MAP7: variants seen among roughly 807,000 people sequenced by gnomAD.
MAP7 encodes the protein microtubule associated protein 7.
Under a neutral mutation model 94.8 loss-of-function variants are expected in MAP7, and 52 were observed. The observed-to-expected ratio is 0.55, with a 90% confidence interval of 0.44 to 0.69. The LOEUF (loss-of-function observed/expected upper bound fraction) is 0.69. Ranked by LOEUF, MAP7 falls within the 30% of genes least tolerant of loss-of-function variation. MAP7 has a pLI of 0.00. For missense variants in MAP7, 940 were observed against 964.6 expected, an observed-to-expected ratio of 0.97 and a Z score of 0.34; for synonymous variants, 350 against 357.0, an observed-to-expected ratio of 0.98 and a Z score of 0.22.
At chr6:136,364,553 C>A in intron 10 of MAP7, 1 of 234,350 alleles carries the variant, frequency 4.3e-6, no homozygotes, top group South Asian at 5.2e-5. Flanking sequence ...CTATGTTTCT[C>A]CTTGAGTGTG....
Position 136,392,658 on chromosome 6 carries a change from A to T in MAP7, c.245-3141T>A, listed in dbSNP as rs572646424. Among the ~76,000 whole-genome samples the T allele has an allele frequency of 5.3e-5, 8 of 152,264 alleles. No homozygotes were observed. The South Asian group carries it at 1.7e-3, about 32-fold the overall frequency. ...GAGCATGTCCATGTAGAATAGCTGA[A>T]TCAAAGGGAACATACATTTAAAATT... On this transcript the variant is annotated intron_variant, in intron 3 of 17. Coordinates refer to ENST00000354570, the MANE Select transcript of MAP7 (RefSeq NM_003980.6).
intron 16 of MAP7, among the ~76,000 whole-genome samples, chr6:136,350,180 G>A (rs1028062209): frequency 1.4e-4 from 22 of 152,068 alleles, no homozygotes; most frequent in African/African-American, 5.3e-4. Context: ...GGAGTATCAG[G>A]CACACCATGT....
chr6:136,416,801 G>A (rs1223306996), intron 2 of MAP7, among the ~76,000 whole-genome samples: 3 of 146,548 alleles, frequency 2.0e-5, no homozygotes, highest in Middle Eastern at 3.7e-3. Context: ...ACGAGACTAC[G>A]TCTCAAAAAA....
chr6:136,539,822 T>C (rs183480726), intron 1 of MAP7, among the ~76,000 whole-genome samples: 63 of 152,140 alleles, frequency 4.1e-4, no homozygotes, highest in African/African-American at 1.4e-3. Context: ...CTACAAAAAA[T>C]AAACAAAATT....
intron 1 of MAP7, among the ~76,000 whole-genome samples, chr6:136,470,920 A>G (rs1327377425): frequency 1.3e-5 from 2 of 152,190 alleles, no homozygotes; most frequent in Non-Finnish European, 2.9e-5. Flanking sequence ...AGAGTTTCAC[A>G]TATTTTACAC....
intron 14 of MAP7, 42 bp downstream of exon 14, chr6:136,359,939 T>C: frequency 1.2e-6 from 2 of 1,610,088 alleles, no homozygotes; most frequent in Middle Eastern, 1.7e-4. Context: ...ATGAAAAAGA[T>C]AAAAGCATAC....
At chr6:136,542,777 G>T (rs1829432916) in intron 1 of MAP7, among the ~76,000 whole-genome samples, 3 of 152,090 alleles carry the variant, frequency 2.0e-5, no homozygotes, top group African/African-American at 7.2e-5. Context: ...AGATATTAGA[G>T]TCAAATATAA....
intron 16 of MAP7, among the ~76,000 whole-genome samples, chr6:136,355,763 TA>T (rs949586457): frequency 4.6e-5 from 7 of 152,228 alleles, no homozygotes; most frequent in African/African-American, 1.7e-4. Flanking sequence ...TTCCCAAATT[TA>T]AAAAGTCATA....
intron 1 of MAP7, among the ~76,000 whole-genome samples, chr6:136,451,002 C>T (rs1310606539): frequency 2.6e-5 from 4 of 152,092 alleles, no homozygotes; most frequent in East Asian, 3.9e-4. Flanking sequence ...GCTCTGAAAA[C>T]ATAAAGCAAG....
chr6:136,512,186 T>C (rs1823484405), intron 1 of MAP7, among the ~76,000 whole-genome samples: 1 of 152,244 alleles, frequency 6.6e-6, no homozygotes, highest in Non-Finnish European at 1.5e-5. Flanking sequence ...CCAGCTATGC[T>C]GTCTCATTCT....
chr6:136,464,923 A>T (rs1806464882), intron 1 of MAP7, among the ~76,000 whole-genome samples: 1 of 152,208 alleles, frequency 6.6e-6, no homozygotes, highest in Non-Finnish European at 1.5e-5. Flanking sequence ...CAGGTAGTGA[A>T]AAGTGCTGAA....
chr6:136,416,496 G>T lies in MAP7; in HGVS notation c.167-4799C>A, dbSNP rs564608250. Among the ~76,000 whole-genome samples the T allele has an allele frequency of 3.0e-4, 46 of 152,086 alleles. 1 individual carries two copies. The highest frequency in any genetic ancestry group is 1.1e-3 in the African/African-American group (45 of 41,464). Reference sequence around the variant, plus strand: ...TCCCCTGAAACAAAAGTTAGCTATAGAAAATACTTTAAAATTATGTATAGG... The same window carrying T: ...TCCCCTGAAACAAAAGTTAGCTATATAAAATACTTTAAAATTATGTATAGG... On this transcript the variant is annotated intron_variant, in intron 2 of 17. Coordinates refer to ENST00000354570, the MANE Select transcript of MAP7 (RefSeq NM_003980.6).
chr6:136,518,752 C>T (rs1409287678), intron 1 of MAP7, among the ~76,000 whole-genome samples: 1 of 152,140 alleles, frequency 6.6e-6, no homozygotes, highest in Admixed American at 6.5e-5. Context: ...TGGAGACACA[C>T]AGATGTTAAT....
chr6:136,353,744 G>A (rs1236229573), intron 16 of MAP7, among the ~76,000 whole-genome samples: 2 of 152,018 alleles, frequency 1.3e-5, no homozygotes, highest in Non-Finnish European at 2.9e-5. Context: ...TTAGAAAAGG[G>A]GTTTCACCAT....
intron 1 of MAP7, among the ~76,000 whole-genome samples, chr6:136,530,541 A>ACGTG (rs1583153402): frequency 6.8e-6 from 1 of 147,026 alleles, no homozygotes; most frequent in African/African-American, 2.7e-5. Flanking sequence ...CATGGAATCA[A>ACGTG]ACAACCACTA....
At chr6:136,399,661 CT>C (rs763443516) in intron 3 of MAP7, among the ~76,000 whole-genome samples, 3 of 152,108 alleles carry the variant, frequency 2.0e-5, no homozygotes, top group Non-Finnish European at 4.4e-5. Flanking sequence ...GTCCAGTTTC[CT>C]TTTGTTTTCA....
At chr6:136,444,251 G>GC (rs1392164059) in intron 1 of MAP7, among the ~76,000 whole-genome samples, 1 of 152,086 alleles carries the variant, frequency 6.6e-6, no homozygotes, top group African/African-American at 2.4e-5. Flanking sequence ...AGATTCCTAT[G>GC]CCCCAACTCA....
At chr6:136,453,854 GT>G (rs1801933190) in intron 1 of MAP7, among the ~76,000 whole-genome samples, 1 of 152,184 alleles carries the variant, frequency 6.6e-6, no homozygotes, top group Non-Finnish European at 1.5e-5. Flanking sequence ...TAGCTTCATA[GT>G]ATTCAGCCAA....
Position 136,544,240 on chromosome 6 carries a change from TAGA to T in MAP7, c.67+6099_67+6101del. On this transcript the variant is annotated intron_variant, in intron 1 of 17. Coordinates refer to ENST00000354570, the MANE Select transcript of MAP7 (RefSeq NM_003980.6). ...CCTGGACTGTACGCAAATTTTAGAATAGATTTTTTAAAATCCCTCTGCCTATTC... is the reference window on the plus strand; with the variant it reads ...CCTGGACTGTACGCAAATTTTAGAATTTTTTTAAAATCCCTCTGCCTATTC... Among the ~76,000 whole-genome samples the T allele has an allele frequency of 4.6e-5, 7 of 152,184 alleles. No homozygotes were observed. The East Asian group carries it at 1.3e-3, about 29-fold the overall frequency.
Sources: gnomAD v4.1 joint callset for allele counts (sites outside exome capture counted in the v4.1 genomes callset) on GRCh38, gnomAD v4.1.1 for gene constraint, MANE v1.5 for transcripts, NCBI Gene and HGNC (gene_info 2026-07-23, HGNC 2026-07-21) for gene names.